The following KCNJ2 variants were observed in gnomAD, a reference collection of about 807,000 sequenced individuals.
The protein encoded by KCNJ2 is inward rectifier potassium channel 2.
Under a neutral mutation model 28.4 loss-of-function variants are expected in KCNJ2, and 12 were observed. The observed-to-expected ratio is 0.42, with a 90% CI of 0.27 to 0.68. KCNJ2 has a LOEUF of 0.68. KCNJ2 is among the 30% of genes least tolerant of loss of function. KCNJ2 has a pLI of 0.23. For synonymous variants in KCNJ2, 200 were observed against 203.2 expected (o/e 0.98, Z 0.13); for missense variants, 320 against 551.3 (o/e 0.58, Z 4.20).
intron 1 of KCNJ2, among the ~76,000 whole-genome samples, chr17:70,172,350 T>G (rs978425748): frequency 1.4e-5 from 2 of 144,832 alleles, no homozygotes; most frequent in Non-Finnish European, 3.0e-5. Context: ...CCAAAACTCC[T>G]CTTTTTCTCT....
chr17:70,176,377 A>C lies in KCNJ2; in HGVS notation c.*54A>C. ...CTTTACAACACGGTCTGTTGGTCAGAGGCCCAAAACAGTTATACAGATGAC... is the reference window on the plus strand; with the variant it reads ...CTTTACAACACGGTCTGTTGGTCAGCGGCCCAAAACAGTTATACAGATGAC... On this transcript the variant is annotated 3_prime_UTR_variant, in exon 2 of 2. Transcript: ENST00000243457. The C allele has an allele frequency of 1.3e-6, 2 of 1,540,826 alleles. No individual in the cohort carries two copies. Among genetic ancestry groups the C allele is most frequent in the Non-Finnish European group, 1.8e-6 (2 of 1,113,336 alleles).
At chr17:70,173,964 C>A (rs2074378126) in intron 1 of KCNJ2, among the ~76,000 whole-genome samples, 2 of 152,218 alleles carry the variant, frequency 1.3e-5, no homozygotes, top group Admixed American at 6.5e-5. Context: ...AGCAAACCTG[C>A]ATCTTCAGAG....
rs1426561100 is a variant in KCNJ2 at position 70,176,158 on chromosome 17, A to G, written c.1119A>G (p.Ser373=). ...AATATATCCTCTCAAATGCAAATTCATTTTGCTATGAAAATGAAGTTGCCC... is the reference window on the plus strand; with the variant it reads ...AATATATCCTCTCAAATGCAAATTCGTTTTGCTATGAAAATGAAGTTGCCC... ...EKKYILSNAN[S]FCYENEVALT... Residue 373 remains serine (S), a synonymous_variant, in exon 2 of 2, where the codon TCA becomes TCG. Coordinates refer to ENST00000243457, the MANE Select transcript of KCNJ2 (RefSeq NM_000891.3). The G allele has an allele frequency of 1.2e-6, 2 of 1,614,014 alleles. No homozygotes were observed. Among genetic ancestry groups the G allele is most frequent in the South Asian group, 1.1e-5 (1 of 91,080 alleles).
intron 1 of KCNJ2, among the ~76,000 whole-genome samples, chr17:70,172,471 A>G (rs1046407089): frequency 3.9e-5 from 6 of 152,232 alleles, no homozygotes; most frequent in Non-Finnish European, 1.5e-5. Flanking sequence ...GCTACTTTCA[A>G]GATTCTAAAT....
At position 70,176,044 on chromosome 17, in the gene KCNJ2, C is replaced by T. The variant is rs2144377784; in HGVS notation, c.1005C>T (p.His335=). 4.3e-6 allele frequency: 7 copies of T among 1,614,100 alleles called. No individual in the cohort carries two copies. Among genetic ancestry groups the T allele is most frequent in the Non-Finnish European group, 5.9e-6 (7 of 1,180,022 alleles). Residue 335 remains histidine, a synonymous_variant, in exon 2 of 2, where the codon CAC becomes CAT. Transcript: ENST00000243457. Reference sequence around the variant, plus strand: ...AGCCTGTGCTCTTTGAAGAGAAGCACTACTACAAAGTGGACTATTCCAGGT... The same window carrying T: ...AGCCTGTGCTCTTTGAAGAGAAGCATTACTACAAAGTGGACTATTCCAGGT... ...RYEPVLFEEK[H]YYKVDYSRFH...
intron 1 of KCNJ2, among the ~76,000 whole-genome samples, chr17:70,170,736 A>G (rs1036093610): frequency 6.6e-6 from 1 of 152,206 alleles, no homozygotes; most frequent in East Asian, 1.9e-4. Context: ...TACACTTGTT[A>G]GCGTTTTCCT....
rs2074404687 is a variant in KCNJ2, at chr17:70,177,917, G to A, written c.*1594G>A. On this transcript the variant is annotated 3_prime_UTR_variant, in exon 2 of 2. Transcript: ENST00000243457. ...GCATTTTCTCCTGTGGAGCCCTAGA[G>A]CAGGTTACTAAGGAAGGACACATTG... is the stretch of plus-strand genomic sequence containing the variant. The A allele has an allele frequency of 6.0e-6, 1 of 166,770 alleles. No individual in the cohort carries two copies. Among genetic ancestry groups the A allele is most frequent in the African/African-American group, 2.4e-5 (1 of 41,412 alleles). 10.3% of individuals were successfully genotyped at this position (166,770 alleles called of 1,614,324 possible).
Position 70,175,261 on chromosome 17 carries a change from C to T in KCNJ2, c.222C>T (p.Thr74=), listed in dbSNP as rs1053161336. The change falls in exon 2 of 2, where the codon ACC becomes ACT. Residue 74 remains threonine, a synonymous_variant. Transcript: ENST00000243457. This position sits in a 1 kb window ranked among gnomAD's most constrained non-coding sequence, Gnocchi z 8.3. The stretch of plus-strand genomic sequence containing the variant: ...AACGGTACCTCGCAGACATCTTCAC[C>T]ACGTGTGTGGACATTCGCTGGCGGT... ...KGQRYLADIF[T]TCVDIRWRWM... 1.2e-6 allele frequency: 2 copies of T among 1,614,068 alleles called. No individual in the cohort carries two copies. The highest frequency in any genetic ancestry group is 1.7e-5 in the Admixed American group (1 of 60,014).
chr17:70,174,947 T>C lies in KCNJ2; in HGVS notation c.-93T>C, dbSNP rs545596382. On this transcript the variant is annotated 5_prime_UTR_variant, in exon 2 of 2. Coordinates refer to ENST00000243457, the MANE Select transcript of KCNJ2 (RefSeq NM_000891.3). ...TCCTCATTTTTTTGGTGTGTGTGTCTTCACCGAACATTCAAAACTGTTTCT... is the reference window on the plus strand; with the variant it reads ...TCCTCATTTTTTTGGTGTGTGTGTCCTCACCGAACATTCAAAACTGTTTCT... The C allele has an allele frequency of 2.4e-6, 3 of 1,264,786 alleles. No individual in the cohort carries two copies. The African/African-American group carries it at 4.4e-5, about 19-fold the overall frequency. The allele number at this position is 1,264,786 out of a possible 1,614,324, so 78.3% of individuals were successfully genotyped here. A position where few individuals can be genotyped will look rare whatever the true frequency, so the allele number is the denominator to read the frequency against.
chr17:70,172,344 A>T lies in KCNJ2; in HGVS notation c.-216-2480A>T, dbSNP rs542551521. On this transcript the variant is annotated intron_variant, in intron 1 of 1. Coordinates refer to ENST00000243457, the MANE Select transcript of KCNJ2 (RefSeq NM_000891.3). Reference sequence around the variant, plus strand: ...AAAAAAAAAAAAAAAAAAAGCCCAAAACTCCTCTTTTTCTCTTTCCAGGAA... The same window carrying T: ...AAAAAAAAAAAAAAAAAAAGCCCAATACTCCTCTTTTTCTCTTTCCAGGAA... 2.0e-5 allele frequency among the ~76,000 whole-genome samples: 3 copies of T among 149,242 alleles called. No homozygotes were observed. The East Asian group carries it at 5.9e-4, about 29-fold the overall frequency.
chr17:70,171,707 T>C (rs2144372095), intron 1 of KCNJ2, among the ~76,000 whole-genome samples: 1 of 152,338 alleles, frequency 6.6e-6, no homozygotes, highest in Middle Eastern at 3.4e-3. Context: ...TTGCTTATGC[T>C]TAATTTTGGC....
At chr17:70,173,425 G>T (rs1477367908) in intron 1 of KCNJ2, among the ~76,000 whole-genome samples, 12 of 152,156 alleles carry the variant, frequency 7.9e-5, no homozygotes, top group Non-Finnish European at 1.5e-4. Flanking sequence ...ATAGCAGAAG[G>T]ATTTGGTTGT....
chr17:70,175,395 G>T lies in KCNJ2; in HGVS notation c.356G>T (p.Gly119Val), dbSNP rs2074386647. The part of the protein sequence containing the change: ...LHGDLDASKE[G>V]KACVSEVNSF... Reference sequence around the variant, plus strand: ...GGGGACCTGGATGCATCCAAAGAGGGCAAAGCTTGTGTGTCCGAGGTCAAC... The same window carrying T: ...GGGGACCTGGATGCATCCAAAGAGGTCAAAGCTTGTGTGTCCGAGGTCAAC... The change falls in exon 2 of 2, where the codon GGC becomes GTC. Residue 119 changes from glycine to valine, a missense_variant. Gly to Val is a moderately radical substitution (Grantham distance 109). Coordinates refer to ENST00000243457, the MANE Select transcript of KCNJ2 (RefSeq NM_000891.3). This position sits in a 1 kb window ranked among gnomAD's most constrained non-coding sequence, Gnocchi z 8.3. 1 of 1,614,140 alleles carries T rather than the reference G, an allele frequency of 6.2e-7. No homozygotes were observed. Among genetic ancestry groups the T allele is most frequent in the Non-Finnish European group, 8.5e-7 (1 of 1,180,028 alleles).
intron 1 of KCNJ2, among the ~76,000 whole-genome samples, chr17:70,174,113 T>C (rs912229387): frequency 1.3e-5 from 2 of 152,154 alleles, no homozygotes; most frequent in Non-Finnish European, 1.5e-5. Flanking sequence ...TTATAAGCAA[T>C]AGGGGCAGTA....
chr17:70,175,259 A>G lies in KCNJ2; in HGVS notation c.220A>G (p.Thr74Ala), dbSNP rs199473652. ...KGQRYLADIFTTCVDIRWRWM... is the reference protein window; with the variant it reads ...KGQRYLADIFATCVDIRWRWM... ...GCAACGGTACCTCGCAGACATCTTC[A>G]CCACGTGTGTGGACATTCGCTGGCG... The change falls in exon 2 of 2, where the codon ACC becomes GCC. Residue 74 changes from threonine to alanine, a missense_variant. Physicochemically the swap from Thr to Ala is moderately conservative, Grantham distance 58. Coordinates refer to ENST00000243457, the MANE Select transcript of KCNJ2 (RefSeq NM_000891.3). This position sits in a 1 kb window ranked among gnomAD's most constrained non-coding sequence, Gnocchi z 8.3. 1 of 1,614,188 alleles carries G rather than the reference A, an allele frequency of 6.2e-7. No individual in the cohort carries two copies. The highest frequency in any genetic ancestry group is 8.5e-7 in the Non-Finnish European group (1 of 1,180,034).
chr17:70,174,827 A>G lies in KCNJ2; in HGVS notation c.-213A>G, dbSNP rs2074382554. 1 of 619,186 alleles carries G rather than the reference A, an allele frequency of 1.6e-6. No individual in the cohort carries two copies. Among genetic ancestry groups the G allele is most frequent in the Non-Finnish European group, 2.9e-6 (1 of 346,130 alleles). The allele number at this position is 619,186 out of a possible 1,614,324, so 38.4% of individuals were successfully genotyped here. Reference sequence around the variant, plus strand: ...CACAGTCTCTCTTTTCTTGCAGGACATGTTCTCTGGATGTCAGCTGAGTCA... The same window carrying G: ...CACAGTCTCTCTTTTCTTGCAGGACGTGTTCTCTGGATGTCAGCTGAGTCA... On this transcript the variant is annotated 5_prime_UTR_variant, in exon 2 of 2. The change abolishes an upstream ATG in the 5' untranslated region. Coordinates refer to ENST00000243457, the MANE Select transcript of KCNJ2 (RefSeq NM_000891.3).
At chr17:70,172,272 G>T (rs989189910) in intron 1 of KCNJ2, among the ~76,000 whole-genome samples, 5 of 140,834 alleles carry the variant, frequency 3.6e-5, no homozygotes, top group African/African-American at 1.4e-4. Flanking sequence ...AATCTGTTTG[G>T]GGGCATATCT....
In KCNJ2 at chr17:70,175,243, C is replaced by T; in HGVS notation, c.204C>T (p.Tyr68=). 2 of 1,614,164 alleles carry T rather than the reference C, an allele frequency of 1.2e-6. No homozygotes were observed. The highest frequency in any genetic ancestry group is 1.1e-5 in the South Asian group (1 of 91,086). The change falls in exon 2 of 2, where the codon TAC becomes TAT. Residue 68 remains tyrosine, a synonymous_variant. Coordinates refer to ENST00000243457, the MANE Select transcript of KCNJ2 (RefSeq NM_000891.3). The surrounding 1 kb of genome is among the most constrained non-coding windows in gnomAD (Gnocchi z 8.3). ...FINVGEKGQR[Y]LADIFTTCVD... ...ATGTGGGTGAGAAGGGGCAACGGTACCTCGCAGACATCTTCACCACGTGTG... is the reference window on the plus strand; with the variant it reads ...ATGTGGGTGAGAAGGGGCAACGGTATCTCGCAGACATCTTCACCACGTGTG...
chr17:70,171,123 G>A (rs1415841071), intron 1 of KCNJ2, among the ~76,000 whole-genome samples: 1 of 152,178 alleles, frequency 6.6e-6, no homozygotes, highest in African/African-American at 2.4e-5. Flanking sequence ...ATTTTTTTAA[G>A]TGTATATTTT....
Sources: gnomAD v4.1 joint callset for allele counts (sites outside exome capture counted in the v4.1 genomes callset) on GRCh38, gnomAD v4.1.1 for gene constraint, Gnocchi (gnomAD v3.1) non-coding constraint, MANE v1.5 for transcripts, NCBI Gene and HGNC (gene_info 2026-07-23, HGNC 2026-07-21) for gene names.